The following STK26 variants were observed in gnomAD, a reference collection of about 807,000 sequenced individuals.
STK26 encodes serine/threonine-protein kinase 26.
In STK26, 14 loss-of-function variants were observed where a neutral mutation model predicts 34.7. The ratio of observed to expected loss-of-function variants is 0.40; its 90% confidence interval spans 0.27 to 0.63. The LOEUF (loss-of-function observed/expected upper bound fraction) is 0.63, where lower values mean the gene tolerates loss of function less well. Among genes scored for constraint, STK26 ranks in the 30% least tolerant of loss-of-function variants. STK26 has a pLI of 0.38. For synonymous variants in STK26, 100 were observed against 109.8 expected (o/e 0.91, Z 0.56); for missense variants, 226 against 309.1 (o/e 0.73, Z 2.02).
In STK26 at chrX:132,029,496, T is replaced by C. The variant is rs188491257; in HGVS notation, c.42+5837T>C. Reference sequence around the variant, plus strand: ...TAATCACATGAAAACACTGCCATTATCTCATCTCTCTCCTGCTTGATAACC... The same window carrying C: ...TAATCACATGAAAACACTGCCATTACCTCATCTCTCTCCTGCTTGATAACC... On this transcript the variant is annotated intron_variant, in intron 2 of 11. Transcript: ENST00000394334. Among the ~76,000 whole-genome samples, 11 of 109,697 alleles carry C rather than the reference T, an allele frequency of 1.0e-4. No homozygotes were observed. In the East Asian group the frequency reaches 2.9e-3, roughly 29 times the overall value.
At chrX:132,028,537 C>G (rs902697568) in intron 2 of STK26, among the ~76,000 whole-genome samples, 1 of 111,761 alleles carries the variant, frequency 8.9e-6, no homozygotes, top group Admixed American at 9.5e-5. Context: ...AGCATCTACT[C>G]TATGCCGGGC....
At chrX:132,028,718 G>A (rs1214196982) in intron 2 of STK26, among the ~76,000 whole-genome samples, 1 of 111,077 alleles carries the variant, frequency 9.0e-6, no homozygotes, top group Non-Finnish European at 1.9e-5. Context: ...GCTTTAAGAT[G>A]TATGAAAGGA....
intron 4 of STK26, among the ~76,000 whole-genome samples, chrX:132,067,000 T>C (rs1051596486): frequency 9.8e-5 from 11 of 111,848 alleles, no homozygotes; most frequent in African/African-American, 3.6e-4. Context: ...TAGAAGACTT[T>C]AGAAACTATT....
chrX:132,070,905 A>G (rs1486865115), intron 7 of STK26, among the ~76,000 whole-genome samples, 164 bp from the exon 8 acceptor site: 1 of 112,853 alleles, frequency 8.9e-6, no homozygotes, highest in Non-Finnish European at 1.9e-5. Flanking sequence ...AGCCACTTCA[A>G]TAATAGAATT....
At chrX:132,034,123 T>TATA (rs1417750149) in intron 2 of STK26, among the ~76,000 whole-genome samples, 1 of 101,033 alleles carries the variant, frequency 9.9e-6, no homozygotes, top group Non-Finnish European at 2.0e-5. Context: ...TATATATATA[T>TATA]ATATAAAATA....
chrX:132,059,632 T>G (rs548688042), intron 3 of STK26, among the ~76,000 whole-genome samples: 2 of 111,929 alleles, frequency 1.8e-5, no homozygotes, highest in African/African-American at 6.5e-5. Context: ...TTTATAATCT[T>G]TAAATATTTT....
chrX:132,024,280 A>G (rs1935050118), intron 2 of STK26, among the ~76,000 whole-genome samples: 1 of 111,152 alleles, frequency 9.0e-6, no homozygotes, highest in Non-Finnish European at 1.9e-5. Context: ...TGAGGTGATG[A>G]CTTCTCAGCC....
At chrX:132,048,188 A>G (rs1364310693) in intron 2 of STK26, among the ~76,000 whole-genome samples, 3 of 112,044 alleles carry the variant, frequency 2.7e-5, no homozygotes, top group Non-Finnish European at 3.8e-5. Flanking sequence ...CATGATGTAT[A>G]TACTGTATAT....
chrX:132,033,293 A>G (rs1348189763), intron 2 of STK26, among the ~76,000 whole-genome samples: 1 of 111,629 alleles, frequency 9.0e-6, no homozygotes, highest in African/African-American at 3.3e-5. Context: ...CCTGATCTCA[A>G]TTTCCTGCCG....
intron 3 of STK26, among the ~76,000 whole-genome samples, chrX:132,061,911 G>A (rs913533419): frequency 1.3e-4 from 15 of 111,686 alleles, no homozygotes; most frequent in African/African-American, 4.9e-4. Flanking sequence ...CCGCAGCTGG[G>A]GTTGTAAAGG....
intron 3 of STK26, chrX:132,055,363 T>A: frequency 3.7e-6 from 3 of 821,063 alleles, no homozygotes; most frequent in Non-Finnish European, 3.5e-6. Flanking sequence ...ATGGTACATC[T>A]TAAGCATGTG....
At chrX:132,031,161 C>A (rs949504057) in intron 2 of STK26, among the ~76,000 whole-genome samples, 5 of 111,020 alleles carry the variant, frequency 4.5e-5, no homozygotes, top group African/African-American at 1.3e-4. Flanking sequence ...TGGTCTTGAA[C>A]CCCTGGGCCC....
intron 10 of STK26, 31 bp from the exon 11 acceptor site, chrX:132,072,926 T>A: frequency 8.3e-7 from 1 of 1,206,269 alleles, no homozygotes; most frequent in Non-Finnish European, 1.1e-6. Flanking sequence ...AGTATAATAT[T>A]TTAAATGTTT....
rs376498180 is a variant in STK26 at position 132,044,907 on chromosome X, T to C, written c.43-9724T>C. On this transcript the variant is annotated intron_variant, in intron 2 of 11. Transcript: ENST00000394334. Reference sequence around the variant, plus strand: ...TACATATAGATCTATATAACATCTATCTATATAGAGAAACATATATATATG... The same window carrying C: ...TACATATAGATCTATATAACATCTACCTATATAGAGAAACATATATATATG... 5.9e-5 allele frequency among the ~76,000 whole-genome samples: 6 copies of C among 101,158 alleles called. No individual in the cohort carries two copies. In the East Asian group the frequency reaches 1.6e-3, roughly 26 times the overall value. 87.8% of individuals were successfully genotyped at this position (101,158 alleles called of 115,157 possible).
At chrX:132,062,364 G>C (rs888241454) in intron 3 of STK26, among the ~76,000 whole-genome samples, 50 of 112,277 alleles carry the variant, frequency 4.5e-4, no homozygotes, top group African/African-American at 1.5e-3. Context: ...TGATGGTACT[G>C]AATGGTATGT....
In STK26 at chrX:132,074,681, T is replaced by C. The variant is rs1927543364; in HGVS notation, c.*522T>C. The C allele has an allele frequency of 9.0e-6, 1 of 111,399 alleles. No individual in the cohort carries two copies. The highest frequency in any genetic ancestry group is 3.3e-5 in the African/African-American group (1 of 30,703). The allele number at this position is 111,399 out of a possible 1,213,427, so 9.2% of individuals were successfully genotyped here. A position where few individuals can be genotyped will look rare whatever the true frequency, so the allele number is the denominator to read the frequency against. ...GTCTTTTAAATGAAACCTGTAAAAG[T>C]ATTGACTCTTCTACCAAGTTGGTAT... On this transcript the variant is annotated 3_prime_UTR_variant, in exon 12 of 12. Coordinates refer to ENST00000394334, the MANE Select transcript of STK26 (RefSeq NM_016542.4).
chrX:132,051,758 C>T lies in STK26; in HGVS notation c.43-2873C>T, dbSNP rs753249097. On this transcript the variant is annotated intron_variant, in intron 2 of 11. Coordinates refer to ENST00000394334, the MANE Select transcript of STK26 (RefSeq NM_016542.4). The stretch of plus-strand genomic sequence containing the variant: ...ACTATCCCCCCCAAGCCCCCACCCC[C>T]TGGCAGGCCCTGGTGTATGATGTTC... Among the ~76,000 whole-genome samples the T allele has an allele frequency of 8.2e-5, 9 of 109,922 alleles. No homozygotes were observed. In the South Asian group the frequency reaches 3.6e-3, roughly 44 times the overall value.
At chrX:132,055,901 T>A (rs1476213355) in intron 3 of STK26, among the ~76,000 whole-genome samples, 2 of 112,439 alleles carry the variant, frequency 1.8e-5, no homozygotes, top group Non-Finnish European at 3.8e-5. Context: ...TGTCTTCAAG[T>A]TCACAGATTC....
Position 132,063,425 on chromosome X carries a change from C to G in STK26, c.274-8C>G. On this transcript the variant is annotated splice_polypyrimidine_tract_variant and splice_region_variant and intron_variant, in intron 3 of 11. Coordinates refer to ENST00000394334, the MANE Select transcript of STK26 (RefSeq NM_016542.4). ...TTGTAATTATTAAATTGTTTCATGG[C>G]TTTACAGGGGTCTAAATTATGGATA... is the stretch of plus-strand genomic sequence containing the variant. 8.3e-7 allele frequency: 1 copy of G among 1,202,318 alleles called. No individual in the cohort carries two copies. The highest frequency in any genetic ancestry group is 1.1e-6 in the Non-Finnish European group (1 of 889,088).
Sources: gnomAD v4.1 joint callset for allele counts (sites outside exome capture counted in the v4.1 genomes callset) on GRCh38, gnomAD v4.1.1 for gene constraint, MANE v1.5 for transcripts, NCBI Gene and HGNC (gene_info 2026-07-23, HGNC 2026-07-21) for gene names.